The following SLC35F1 variants were observed in gnomAD, a reference collection of about 807,000 sequenced individuals.
SLC35F1 encodes chromosome 6 open reading frame 169.
Under a neutral mutation model 48.7 loss-of-function variants are expected in SLC35F1, and 14 were observed. That is an observed-to-expected ratio of 0.29 (90% confidence interval 0.19 to 0.45). The LOEUF (loss-of-function observed/expected upper bound fraction) is 0.45, where lower values mean the gene tolerates loss of function less well. SLC35F1 is among the 20% of genes least tolerant of loss of function. The probability of loss-of-function intolerance (pLI) is 1.00; values close to 1 mark genes in which losing one functional copy is unlikely to be tolerated. For missense variants in SLC35F1, 404 were observed against 500.0 expected (o/e 0.81, Z 1.83); for synonymous variants, 190 against 202.2 (o/e 0.94, Z 0.51).
chr6:118,121,821 A>C (rs746711978), intron 1 of SLC35F1, among the ~76,000 whole-genome samples: 1 of 152,182 alleles, frequency 6.6e-6, no homozygotes, highest in Non-Finnish European at 1.5e-5. Flanking sequence ...ATGAGGGAAA[A>C]TACAGTGATC....
In SLC35F1 at chr6:118,021,148, G is replaced by A. The variant is rs117162725; in HGVS notation, c.173+113249G>A. Among the ~76,000 whole-genome samples, 527 of 152,226 alleles carry A rather than the reference G, an allele frequency of 3.5e-3. 13 individuals are homozygous for A. Among genetic ancestry groups the A allele is most frequent in the East Asian group, 0.031 (158 of 5,172 alleles). On this transcript the variant is annotated intron_variant, in intron 1 of 7. Transcript: ENST00000360388. ...CTGCTGTAACTCAGTTGGGGACCTCGCCTCAGGGGAGGGGAAGGCTCTGGG... is the reference window on the plus strand; with the variant it reads ...CTGCTGTAACTCAGTTGGGGACCTCACCTCAGGGGAGGGGAAGGCTCTGGG...
At chr6:118,046,038 T>G (rs781756753) in intron 1 of SLC35F1, among the ~76,000 whole-genome samples, 9 of 152,202 alleles carry the variant, frequency 5.9e-5, no homozygotes, top group Non-Finnish European at 1.2e-4. Context: ...CACCAATTAC[T>G]TACAGCCAAA....
chr6:118,282,651 T>C (rs1252345739), intron 6 of SLC35F1, among the ~76,000 whole-genome samples: 1 of 152,198 alleles, frequency 6.6e-6, no homozygotes, highest in African/African-American at 2.4e-5. Flanking sequence ...AGCATTTTAT[T>C]TCTCCTGAAA....
intron 4 of SLC35F1, among the ~76,000 whole-genome samples, chr6:118,273,843 T>C (rs905131561): frequency 2.6e-5 from 4 of 152,156 alleles, no homozygotes; most frequent in Admixed American, 1.3e-4. Context: ...CTCCATTCCC[T>C]TGAGGATGAC....
chr6:118,307,836 C>T (rs866099954), intron 7 of SLC35F1, among the ~76,000 whole-genome samples: 3 of 152,188 alleles, frequency 2.0e-5, no homozygotes, highest in African/African-American at 4.8e-5. Context: ...GCTTACAGCA[C>T]GCTCAGCACT....
chr6:118,060,302 C>T (rs1772519576), intron 1 of SLC35F1, among the ~76,000 whole-genome samples: 1 of 152,168 alleles, frequency 6.6e-6, no homozygotes, highest in East Asian at 1.9e-4. Flanking sequence ...TATGCTTCAA[C>T]ATAGTATACA....
rs1445369523 is a variant in SLC35F1, at chr6:118,130,744, A to G, written c.174-23701A>G. On this transcript the variant is annotated intron_variant, in intron 1 of 7. Transcript: ENST00000360388. ...AATTGCCACTACTTTGTATGCATGAAGCACTATTACTATTTCTAGTACCTT... is the reference window on the plus strand; with the variant it reads ...AATTGCCACTACTTTGTATGCATGAGGCACTATTACTATTTCTAGTACCTT... Among the ~76,000 whole-genome samples, 3 of 152,256 alleles carry G rather than the reference A, an allele frequency of 2.0e-5. No homozygotes were observed. In the East Asian group the frequency reaches 5.8e-4, roughly 29 times the overall value.
chr6:118,155,122 A>G (rs1376104708), intron 2 of SLC35F1, among the ~76,000 whole-genome samples: 1 of 152,226 alleles, frequency 6.6e-6, no homozygotes, highest in African/African-American at 2.4e-5. Flanking sequence ...TGAGATGTGA[A>G]ATTATTTTAA....
chr6:118,079,930 T>G (rs1178898108), intron 1 of SLC35F1, among the ~76,000 whole-genome samples: 1 of 152,190 alleles, frequency 6.6e-6, no homozygotes, highest in Non-Finnish European at 1.5e-5. Flanking sequence ...TCATATTCTC[T>G]TACTTTCTAT....
intron 7 of SLC35F1, among the ~76,000 whole-genome samples, chr6:118,298,127 C>T (rs1776214279): frequency 6.6e-6 from 1 of 152,050 alleles, no homozygotes; most frequent in Non-Finnish European, 1.5e-5. Flanking sequence ...AATGCTGGTG[C>T]CATGCTTATA....
Position 117,999,025 on chromosome 6 carries a change from C to T in SLC35F1, c.173+91126C>T, listed in dbSNP as rs1287962507. On this transcript the variant is annotated intron_variant, in intron 1 of 7. Coordinates refer to ENST00000360388, the MANE Select transcript of SLC35F1 (RefSeq NM_001029858.4). The stretch of plus-strand genomic sequence containing the variant: ...CACACAACCAGTCCCGAAAATGGCA[C>T]AGAAATGGTATCAAGAAACCCCGAT... The T allele has an allele frequency of 5.5e-6, 8 of 1,447,128 alleles. No individual in the cohort carries two copies. The East Asian group carries it at 1.4e-4, about 25-fold the overall frequency. 89.6% of individuals were successfully genotyped at this position (1,447,128 alleles called of 1,614,324 possible). A position where few individuals can be genotyped will look rare whatever the true frequency, so the allele number is the denominator to read the frequency against.
Position 118,122,029 on chromosome 6 carries a change from C to A in SLC35F1, c.174-32416C>A, listed in dbSNP as rs556388164. On this transcript the variant is annotated intron_variant, in intron 1 of 7. Transcript: ENST00000360388. ...TTATATATTTTTTAATTTAAAATTA[C>A]TCTCAGAAAATAGGAAGCTGATAAA... Among the ~76,000 whole-genome samples, 6 of 152,062 alleles carry A rather than the reference C, an allele frequency of 3.9e-5. No homozygotes were observed. In the East Asian group the frequency reaches 1.2e-3, roughly 29 times the overall value.
intron 1 of SLC35F1, among the ~76,000 whole-genome samples, chr6:118,047,145 T>A (rs963008822): frequency 2.0e-5 from 3 of 152,144 alleles, no homozygotes; most frequent in Admixed American, 6.6e-5. Flanking sequence ...AAAACTCTGT[T>A]TTGGTTACTG....
At chr6:118,193,790 T>G (rs1774764796) in intron 2 of SLC35F1, among the ~76,000 whole-genome samples, 5 of 152,178 alleles carry the variant, frequency 3.3e-5, no homozygotes. Context: ...ACTCCACACA[T>G]GCCCAGGCCT....
chr6:118,097,032 G>A (rs1475556133), intron 1 of SLC35F1, among the ~76,000 whole-genome samples: 7 of 151,918 alleles, frequency 4.6e-5, no homozygotes, highest in Admixed American at 4.6e-4. Context: ...TTCTTAACTG[G>A]CCTCTCTTCT....
At chr6:118,048,860 C>A (rs1216370684) in intron 1 of SLC35F1, among the ~76,000 whole-genome samples, 1 of 152,168 alleles carries the variant, frequency 6.6e-6, no homozygotes, top group Non-Finnish European at 1.5e-5. Context: ...TTGGAAAAAA[C>A]TACTTTAAAG....
chr6:118,229,212 C>T (rs763200645), intron 2 of SLC35F1, among the ~76,000 whole-genome samples: 9 of 152,136 alleles, frequency 5.9e-5, no homozygotes, highest in African/African-American at 9.6e-5. Flanking sequence ...GAGCATATGA[C>T]GATTATTTTT....
chr6:118,016,671 A>C (rs1160084319), intron 1 of SLC35F1, among the ~76,000 whole-genome samples: 2 of 152,218 alleles, frequency 1.3e-5, no homozygotes, highest in African/African-American at 4.8e-5. Context: ...ATTCTGTGGA[A>C]TCAGTGCCTG....
At chr6:117,971,958 C>G (rs1190642718) in intron 1 of SLC35F1, among the ~76,000 whole-genome samples, 1 of 152,250 alleles carries the variant, frequency 6.6e-6, no homozygotes, top group East Asian at 1.9e-4. Context: ...TAACATTTGG[C>G]TCTTCATTAC....
Sources: allele counts gnomAD v4.1 joint callset (sites outside exome capture counted in the v4.1 genomes callset), GRCh38; gene constraint gnomAD v4.1.1; transcripts MANE v1.5; gene names NCBI Gene and HGNC (gene_info 2026-07-23, HGNC 2026-07-21).